The following UBE2G1 variants were observed in gnomAD, a reference collection of about 807,000 sequenced individuals.
UBE2G1 encodes ubiquitin conjugating enzyme E2 G1, also known as ubiquitin-conjugating enzyme E2 G1.
A neutral mutation model predicts 22.7 loss-of-function variants in UBE2G1; 5 were observed. The observed-to-expected ratio is 0.22, with a 90% CI of 0.12 to 0.46. The LOEUF (loss-of-function observed/expected upper bound fraction) is 0.46. Ranked by LOEUF, UBE2G1 falls within the 20% of genes least tolerant of loss-of-function variation. UBE2G1 has a pLI of 0.99. For synonymous variants in UBE2G1, 74 were observed against 67.5 expected (o/e 1.10, Z -0.47); for missense variants, 88 against 203.9 (o/e 0.43, Z 3.46).
chr17:4,364,871 C>G (rs909654184), intron 1 of UBE2G1, among the ~76,000 whole-genome samples: 1 of 152,254 alleles, frequency 6.6e-6, no homozygotes, highest in Non-Finnish European at 1.5e-5. Flanking sequence ...CGTGAGCCAG[C>G]GCGCCCGGCC....
intron 5 of UBE2G1, among the ~76,000 whole-genome samples, chr17:4,281,138 A>AC (rs988818964): frequency 1.3e-5 from 2 of 152,004 alleles, no homozygotes; most frequent in Non-Finnish European, 2.9e-5. Flanking sequence ...AAGAACAAAC[A>AC]CCCCTACACC....
intron 1 of UBE2G1, among the ~76,000 whole-genome samples, chr17:4,327,716 T>C (rs1347950169): frequency 6.6e-6 from 1 of 152,170 alleles, no homozygotes; most frequent in Non-Finnish European, 1.5e-5. Context: ...AGCATATTCC[T>C]ACCTCCTTGT....
chr17:4,305,723 GTAGAGACAGGGT>G, intron 2 of UBE2G1, among the ~76,000 whole-genome samples: 1 of 152,100 alleles, frequency 6.6e-6, no homozygotes. Context: ...TGTATTTTTA[GTAGAGACAGGGT>G]TTCACCATGT....
chr17:4,357,970 CACAAAG>C (rs1164983330), intron 1 of UBE2G1, among the ~76,000 whole-genome samples: 1 of 150,962 alleles, frequency 6.6e-6, no homozygotes, highest in East Asian at 1.9e-4. Context: ...TATATGTAGA[CACAAAG>C]AGAGAGAGAC....
chr17:4,337,560 G>A (rs1309835209), intron 1 of UBE2G1, among the ~76,000 whole-genome samples: 6 of 151,542 alleles, frequency 4.0e-5, no homozygotes, highest in African/African-American at 1.5e-4. Context: ...GGCTGAGGCA[G>A]GAGGATCACT....
intron 3 of UBE2G1, 67 bp downstream of exon 3, chr17:4,296,650 G>C: frequency 1.4e-6 from 2 of 1,429,036 alleles, no homozygotes; most frequent in South Asian, 1.1e-5. Flanking sequence ...CTTTCTTATT[G>C]ACCTTGAACA....
At chr17:4,291,566 A>T (rs996934560) in intron 3 of UBE2G1, among the ~76,000 whole-genome samples, 69 of 151,988 alleles carry the variant, frequency 4.5e-4, no homozygotes, top group Non-Finnish European at 2.4e-4. Flanking sequence ...TTTCCTTTTT[A>T]AAAAAAATCA....
intron 1 of UBE2G1, 52 bp downstream of exon 1, chr17:4,366,219 C>A: frequency 1.3e-6 from 2 of 1,496,158 alleles, no homozygotes; most frequent in Admixed American, 2.2e-5. Flanking sequence ...GACTGGGCTG[C>A]GGCTGTCCGC....
chr17:4,327,589 G>A (rs542333943), intron 1 of UBE2G1, among the ~76,000 whole-genome samples: 1 of 152,314 alleles, frequency 6.6e-6, no homozygotes, highest in Non-Finnish European at 1.5e-5. Flanking sequence ...ACCGGTTTGT[G>A]TGTTTGTTTA....
At chr17:4,345,324 G>T (rs1189598837) in intron 1 of UBE2G1, among the ~76,000 whole-genome samples, 1 of 152,092 alleles carries the variant, frequency 6.6e-6, no homozygotes, top group Admixed American at 6.6e-5. Context: ...CACAAGCCTC[G>T]AGCAGATTCT....
At chr17:4,355,259 T>C (rs890084031) in intron 1 of UBE2G1, among the ~76,000 whole-genome samples, 36 of 149,864 alleles carry the variant, frequency 2.4e-4, no homozygotes, top group Non-Finnish European at 4.9e-4. Context: ...TGCCTCGGCC[T>C]CCCAAAGTTC....
At chr17:4,292,038 G>A (rs1233661803) in intron 3 of UBE2G1, among the ~76,000 whole-genome samples, 5 of 151,960 alleles carry the variant, frequency 3.3e-5, no homozygotes, top group Admixed American at 1.3e-4. Flanking sequence ...TACCTGGGCC[G>A]GGCACAGTGG....
intron 1 of UBE2G1, among the ~76,000 whole-genome samples, chr17:4,324,265 C>T (rs567712346): frequency 2.2e-4 from 34 of 152,254 alleles, no homozygotes; most frequent in African/African-American, 7.7e-4. Flanking sequence ...ATATAATAGC[C>T]ACTAGTCGCA....
At chr17:4,300,100 A>G (rs1438405271) in intron 2 of UBE2G1, among the ~76,000 whole-genome samples, 3 of 135,892 alleles carry the variant, frequency 2.2e-5, no homozygotes, top group Non-Finnish European at 4.8e-5. Context: ...TTTTTTTTTG[A>G]TGCTTAACTA....
intron 1 of UBE2G1, among the ~76,000 whole-genome samples, chr17:4,361,895 T>G (rs1376904840): frequency 6.9e-6 from 1 of 145,568 alleles, no homozygotes; most frequent in Admixed American, 7.1e-5. Context: ...TTAGCGGAGA[T>G]CGTGCCACTG....
intron 1 of UBE2G1, among the ~76,000 whole-genome samples, chr17:4,309,817 A>G (rs1026642142): frequency 6.6e-6 from 1 of 152,238 alleles, no homozygotes; most frequent in Non-Finnish European, 1.5e-5. Context: ...ATAGGTGAGT[A>G]AGCTCTGAAA....
At chr17:4,281,303 C>T (rs899774767) in intron 5 of UBE2G1, among the ~76,000 whole-genome samples, 2 of 152,136 alleles carry the variant, frequency 1.3e-5, no homozygotes, top group Admixed American at 1.3e-4. Context: ...TATCATTCCA[C>T]ATATAAACAG....
rs183786319 is a variant in UBE2G1, at chr17:4,300,874, G to A, written c.150-4060C>T. On this transcript the variant is annotated intron_variant, in intron 2 of 5. Coordinates refer to ENST00000396981, the MANE Select transcript of UBE2G1 (RefSeq NM_003342.5). ...AGCTACTCAGGAAGCTGAGGTAGGAGAATCACTTGAACCCAGGCGGCGGAG... is the reference window on the plus strand; with the variant it reads ...AGCTACTCAGGAAGCTGAGGTAGGAAAATCACTTGAACCCAGGCGGCGGAG... Among the ~76,000 whole-genome samples, 595 of 150,760 alleles carry A rather than the reference G, an allele frequency of 3.9e-3. 2 individuals are homozygous for A. The highest frequency in any genetic ancestry group is 7.5e-3 in the Non-Finnish European group (506 of 67,836).
chr17:4,365,946 G>A (rs981855692), intron 1 of UBE2G1, among the ~76,000 whole-genome samples: 3 of 152,078 alleles, frequency 2.0e-5, no homozygotes, highest in African/African-American at 4.8e-5. Flanking sequence ...CTCCAAGCTG[G>A]CGGCCCCGGC....
Sources: allele counts gnomAD v4.1 joint callset (sites outside exome capture counted in the v4.1 genomes callset), GRCh38; gene constraint gnomAD v4.1.1; transcripts MANE v1.5; gene names NCBI Gene and HGNC (gene_info 2026-07-23, HGNC 2026-07-21).